UGT8: variants seen among roughly 807,000 people sequenced by gnomAD.
UGT8 encodes the protein 2-hydroxyacylsphingosine 1-beta-galactosyltransferase.
In UGT8, 12 loss-of-function variants were observed where a neutral mutation model predicts 40.5. The ratio of observed to expected loss-of-function variants is 0.30; its 90% CI spans 0.19 to 0.48. UGT8 has a LOEUF of 0.48. Ranked by LOEUF, UGT8 falls within the 20% of genes least tolerant of loss-of-function variation. The probability of loss-of-function intolerance (pLI) is 0.99; values close to 1 mark genes in which losing one functional copy is unlikely to be tolerated. For synonymous variants in UGT8, 224 were observed against 240.4 expected, an observed-to-expected ratio of 0.93 and a Z score of 0.63; for missense variants, 513 against 648.7, an observed-to-expected ratio of 0.79 and a Z score of 2.27.
At chr4:114,646,700 A>C (rs1311774749) in intron 2 of UGT8, among the ~76,000 whole-genome samples, 4 of 152,304 alleles carry the variant, frequency 2.6e-5, no homozygotes, top group Admixed American at 2.0e-4. Flanking sequence ...TGAGAAAGCA[A>C]ATTGGCAAGT....
intron 1 of UGT8, among the ~76,000 whole-genome samples, chr4:114,612,990 C>CT (rs1014494359): frequency 5.3e-5 from 8 of 151,976 alleles, no homozygotes; most frequent in African/African-American, 1.9e-4. Flanking sequence ...TTCTTAAACC[C>CT]TTTTTTTCCC....
intron 1 of UGT8, among the ~76,000 whole-genome samples, chr4:114,607,151 C>G (rs932802317): frequency 6.6e-6 from 1 of 152,142 alleles, no homozygotes; most frequent in Non-Finnish European, 1.5e-5. Context: ...AAGCATAGCC[C>G]TATAGGTAGT....
intron 2 of UGT8, among the ~76,000 whole-genome samples, chr4:114,647,599 C>G (rs989847773): frequency 6.6e-6 from 1 of 152,096 alleles, no homozygotes; most frequent in Non-Finnish European, 1.5e-5. Flanking sequence ...CTCTTGATCT[C>G]AAATGATCAG....
intron 1 of UGT8, among the ~76,000 whole-genome samples, chr4:114,611,533 A>ATG (rs1310069325): frequency 5.1e-5 from 2 of 39,564 alleles, no homozygotes; most frequent in Non-Finnish European, 2.1e-4. Flanking sequence ...ATATCCATAT[A>ATG]TATATATATA....
intron 2 of UGT8, among the ~76,000 whole-genome samples, chr4:114,636,418 G>A (rs995939890): frequency 5.3e-5 from 8 of 152,232 alleles, no homozygotes; most frequent in South Asian, 4.1e-4. Flanking sequence ...AAATCAAACC[G>A]GACAAAGCAT....
In UGT8 at chr4:114,676,026, A is replaced by G. The variant is rs149080130; in HGVS notation, c.1364A>G (p.Asn455Ser). The G allele has an allele frequency of 2.3e-4, 372 of 1,614,176 alleles. 1 individual carries two copies. The African/African-American group carries it at 4.2e-3, about 18-fold the overall frequency. The change falls in exon 6 of 6, where the codon AAT (asparagine) becomes AGT (serine). Residue 455 changes from asparagine to serine, a missense_variant. This residue lies in a region of UGT8 where 175 missense variants were observed against 186.7 expected (regional missense o/e 0.94). Transcript: ENST00000310836. The stretch of plus-strand genomic sequence containing the variant: ...TGGATAGATTATATTATTCGTCACA[A>G]TGGAGCCCATCACCTACGTGCCGCT... ...IYWIDYIIRHNGAHHLRAAVH... is the reference protein window; with the variant it reads ...IYWIDYIIRHSGAHHLRAAVH...
intron 2 of UGT8, 128 bp from the exon 3 acceptor site, chr4:114,663,867 C>A: frequency 6.9e-7 from 1 of 1,448,496 alleles, no homozygotes; most frequent in South Asian, 1.6e-5. Context: ...AAGAAAATAT[C>A]ATATCCTTTA....
At chr4:114,643,735 G>A (rs1442795130) in intron 2 of UGT8, among the ~76,000 whole-genome samples, 1 of 151,798 alleles carries the variant, frequency 6.6e-6, no homozygotes, top group African/African-American at 2.4e-5. Context: ...TTACATAAGA[G>A]TTAGAGAAAG....
chr4:114,604,476 C>G (rs1481009164), intron 1 of UGT8, among the ~76,000 whole-genome samples: 2 of 146,204 alleles, frequency 1.4e-5, no homozygotes, highest in Non-Finnish European at 3.0e-5. Flanking sequence ...TTTTTTTCCC[C>G]CAATTAAGAC....
intron 2 of UGT8, among the ~76,000 whole-genome samples, chr4:114,641,705 C>T (rs1018603212): frequency 2.0e-5 from 3 of 151,900 alleles, no homozygotes; most frequent in Admixed American, 6.6e-5. Context: ...CTGTAGTAAA[C>T]TGGAGAAAAA....
Position 114,665,723 on chromosome 4 carries a change from C to T in UGT8, c.1009C>T (p.Leu337Phe). The change falls in exon 4 of 6, where the codon CTC becomes TTC. Residue 337 changes from leucine (L) to phenylalanine (F), a missense_variant. Coordinates refer to ENST00000310836, the MANE Select transcript of UGT8 (RefSeq NM_001128174.3). ...AAAGAATCTAGGAAACAACACTAAACTCATAGAATGGTTACCACAAAATGA... is the reference window on the plus strand; with the variant it reads ...AAAGAATCTAGGAAACAACACTAAATTCATAGAATGGTTACCACAAAATGA... ...KPKNLGNNTK[L>F]IEWLPQNDLL... is the part of the protein sequence containing the mutation. 6.2e-7 allele frequency: 1 copy of T among 1,610,650 alleles called. No homozygotes were observed. The highest frequency in any genetic ancestry group is 8.5e-7 in the Non-Finnish European group (1 of 1,178,622).
At chr4:114,610,857 A>T (rs1048323108) in intron 1 of UGT8, among the ~76,000 whole-genome samples, 1 of 152,216 alleles carries the variant, frequency 6.6e-6, no homozygotes, top group East Asian at 1.9e-4. Flanking sequence ...CTTAATATAA[A>T]TGTTAAAAAT....
intron 1 of UGT8, among the ~76,000 whole-genome samples, chr4:114,613,037 T>C (rs1731185927): frequency 6.6e-6 from 1 of 152,174 alleles, no homozygotes; most frequent in African/African-American, 2.4e-5. Flanking sequence ...TTTTAAATTA[T>C]CAAATTTCAT....
intron 4 of UGT8, 50 bp downstream of exon 4, chr4:114,665,806 A>G: frequency 2.0e-6 from 3 of 1,488,932 alleles, no homozygotes; most frequent in South Asian, 1.2e-5. Context: ...TTTTAATTAC[A>G]TAAATGTGAC....
intron 2 of UGT8, among the ~76,000 whole-genome samples, chr4:114,662,816 CTTTTTTTTTTTTTTTT>C (rs142469406): frequency 3.8e-5 from 2 of 53,172 alleles, no homozygotes; most frequent in South Asian, 1.3e-3. Context: ...TGTGACCATG[CTTTTTTTTTTTTTTTT>C]TTTTTTTTTT....
chr4:114,651,267 G>A (rs1733881212), intron 2 of UGT8, among the ~76,000 whole-genome samples: 1 of 151,914 alleles, frequency 6.6e-6, no homozygotes, highest in Non-Finnish European at 1.5e-5. Flanking sequence ...GTAAAATAAA[G>A]TACACCAAGA....
At chr4:114,657,883 C>A (rs887392351) in intron 2 of UGT8, among the ~76,000 whole-genome samples, 1 of 152,070 alleles carries the variant, frequency 6.6e-6, no homozygotes, top group Non-Finnish European at 1.5e-5. Flanking sequence ...GGAAGCTGGG[C>A]CTCAGAGAGA....
chr4:114,651,492 C>T (rs536627648), intron 2 of UGT8, among the ~76,000 whole-genome samples: 41 of 152,156 alleles, frequency 2.7e-4, no homozygotes, highest in African/African-American at 9.9e-4. Flanking sequence ...CAAGAACAAA[C>T]TAGTTTTCCA....
chr4:114,600,881 C>A (rs921843816), intron 1 of UGT8, among the ~76,000 whole-genome samples: 5 of 152,086 alleles, frequency 3.3e-5, no homozygotes, highest in Admixed American at 6.6e-5. Context: ...GAGAAAAACA[C>A]TCTAGTATTG....
Sources: gnomAD v4.1 joint callset for allele counts (sites outside exome capture counted in the v4.1 genomes callset) on GRCh38, gnomAD v4.1.1 for gene constraint, gnomAD v4.1.1 regional missense constraint, MANE v1.5 for transcripts, NCBI Gene and HGNC (gene_info 2026-07-23, HGNC 2026-07-21) for gene names.